SMTN: variants seen among roughly 807,000 people sequenced by gnomAD.
SMTN encodes smoothelin.
SMTN carries 58 observed loss-of-function variants against 102.0 expected under a neutral mutation model. That is an observed-to-expected ratio of 0.57 (90% CI 0.46 to 0.71). The LOEUF is 0.71. Among genes scored for constraint, SMTN ranks in the 30% least tolerant of loss-of-function variants. The pLI, the probability that SMTN is intolerant of heterozygous loss-of-function variation, is 0.00. For missense variants in SMTN, 1,185 were observed against 1,241.7 expected, an observed-to-expected ratio of 0.95 and a Z score of 0.69; for synonymous variants, 478 against 497.9, an observed-to-expected ratio of 0.96 and a Z score of 0.53.
At chr22:31,093,919 G>A in intron 11 of SMTN, 1 of 1,337,128 alleles carries the variant, frequency 7.5e-7, no homozygotes, top group Non-Finnish European at 1.0e-6. Flanking sequence ...TTTGAGCCAG[G>A]CTCTGCCTCC....
chr22:31,091,117 TG>T lies in SMTN; in HGVS notation c.1097del (p.Gly366AlafsTer35). 1 of 1,613,894 alleles carries T rather than the reference TG, an allele frequency of 6.2e-7. No individual in the cohort carries two copies. Among genetic ancestry groups the T allele is most frequent in the African/African-American group, 1.3e-5 (1 of 75,012 alleles). ...ALSPLTPARL[L>X]GPSLTSTTPA... ...AGTCCCCTGACCCCCGCAAGGCTCC[TG>T]GGCCCCTCCCTCACCAGCACCACCC... On this transcript the variant is annotated frameshift_variant, in exon 10 of 21. Coordinates refer to ENST00000333137, the MANE Select transcript of SMTN (RefSeq NM_134269.3). LOFTEE classifies it high-confidence loss of function.
chr22:31,099,491 G>A (rs1026835985), intron 18 of SMTN: 1 of 586,464 alleles, frequency 1.7e-6, no homozygotes, highest in Non-Finnish European at 3.0e-6. Flanking sequence ...AATGAGGGAA[G>A]GAGTGATGAG....
intron 16 of SMTN, 101 bp from the exon 17 acceptor site, chr22:31,098,566 A>T: frequency 9.1e-7 from 1 of 1,102,382 alleles, no homozygotes; most frequent in African/African-American, 2.0e-5. Context: ...CAGTGGAGAT[A>T]CTAGTGTGCT....
rs2059410116 is a variant in SMTN, at chr22:31,089,840, C to T, written c.613C>T (p.Pro205Ser). 2 of 1,613,766 alleles carry T rather than the reference C, an allele frequency of 1.2e-6. No homozygotes were observed. The highest frequency in any genetic ancestry group is 3.3e-5 in the Admixed American group (2 of 60,000). ...GAGCACATCCAGCTCACCTGCCTCA[C>T]CCAGCAGTTCACCCACCCCTGCCTC... is the stretch of plus-strand genomic sequence containing the variant. The part of the protein sequence containing the change: ...PGSTSSSPAS[P>S]SSSPTPASPE... The change falls in exon 7 of 21, where the codon CCC (proline) becomes TCC (serine). Residue 205 changes from proline to serine, a missense_variant. By Grantham distance (74) the Pro-to-Ser change is moderately conservative (BLOSUM62 -1). Around this residue, in one of 2 missense-constraint regions of SMTN, gnomAD observed 1,096 missense variants for 1,112.7 expected, o/e 0.98. Coordinates refer to ENST00000333137, the MANE Select transcript of SMTN (RefSeq NM_134269.3).
At chr22:31,085,122 C>G in intron 2 of SMTN, 1 of 1,535,428 alleles carries the variant, frequency 6.5e-7, no homozygotes, top group Non-Finnish European at 8.7e-7. Context: ...TGCCCCTCCA[C>G]CACCCGCCGG....
chr22:31,082,500 C>T (rs1438844250), intron 1 of SMTN: 1 of 478,718 alleles, frequency 2.1e-6, no homozygotes, highest in Admixed American at 2.3e-5. Context: ...ATCCTTGGCC[C>T]TCTCCAATCT....
chr22:31,092,330 A>G, intron 11 of SMTN: 1 of 420,196 alleles, frequency 2.4e-6, no homozygotes, highest in Non-Finnish European at 5.1e-6. Context: ...ATCTGCGTCA[A>G]CCTCCCTGTG....
intron 6 of SMTN, 38 bp from the exon 7 acceptor site, chr22:31,089,661 C>T (rs1194289835): frequency 1.9e-6 from 3 of 1,561,022 alleles, no homozygotes; most frequent in Non-Finnish European, 2.6e-6. Flanking sequence ...CGTTCAAAGC[C>T]TAGGGAGCCT....
Position 31,095,464 on chromosome 22 carries a change from A to G in SMTN, c.1785+9A>G, listed in dbSNP as rs2043502675. 6.2e-7 allele frequency: 1 copy of G among 1,614,118 alleles called. No individual in the cohort carries two copies. Among genetic ancestry groups the G allele is most frequent in the Non-Finnish European group, 8.5e-7 (1 of 1,180,024 alleles). ...GAGTCTTGGACAAGATGGTATAGCC[A>G]GATCCGGTGGGCTGGGGGTTGGCAG... On this transcript the variant is annotated intron_variant, in intron 12 of 20. Transcript: ENST00000333137. The surrounding 1 kb of genome is among the most constrained non-coding windows in gnomAD (Gnocchi z 4.1).
upstream of SMTN, among the ~76,000 whole-genome samples, chr22:31,076,326 G>A (rs934385633): frequency 2.6e-5 from 4 of 152,316 alleles, no homozygotes; most frequent in Admixed American, 6.5e-5. Flanking sequence ...CTTCAGAACC[G>A]GCAAAGGAGC....
Position 31,091,828 on chromosome 22 carries a change from G to A in SMTN, c.1613G>A (p.Arg538Gln), listed in dbSNP as rs115143483. The part of the protein sequence containing the change: ...TSFSHAPPSS[R>Q]GGCSIKMEAE... Reference sequence around the variant, plus strand: ...TTCAGCCATGCCCCCCCCAGTAGCCGAGGAGGCTGCAGCATCAAGGTGAGC... The same window carrying A: ...TTCAGCCATGCCCCCCCCAGTAGCCAAGGAGGCTGCAGCATCAAGGTGAGC... Residue 538 changes from arginine to glutamine, a missense_variant, in exon 11 of 21, where the codon CGA (arginine) becomes CAA (glutamine). This residue lies in a region of SMTN where 1,096 missense variants were observed against 1,112.7 expected (regional missense o/e 0.98). Coordinates refer to ENST00000333137, the MANE Select transcript of SMTN (RefSeq NM_134269.3). The A allele has an allele frequency of 3.9e-4, 618 of 1,595,108 alleles. 3 individuals carry two copies. In the African/African-American group the frequency reaches 7.1e-3, roughly 18 times the overall value.
Position 31,093,418 on chromosome 22 carries a change from A to G in SMTN, c.1632+1571A>G, listed in dbSNP as rs772198993. On this transcript the variant is annotated intron_variant, in intron 11 of 20. Coordinates refer to ENST00000333137, the MANE Select transcript of SMTN (RefSeq NM_134269.3). Reference sequence around the variant, plus strand: ...CAGCAGCCCCTGCCACTGCCCCACCATTACCCCCCATAGAGTCCCCACCAG... The same window carrying G: ...CAGCAGCCCCTGCCACTGCCCCACCGTTACCCCCCATAGAGTCCCCACCAG... 42 of 460,142 alleles carry G rather than the reference A, an allele frequency of 9.1e-5. No individual in the cohort carries two copies. The Middle Eastern group carries it at 2.6e-3, about 29-fold the overall frequency. 28.5% of individuals were successfully genotyped at this position (460,142 alleles called of 1,614,324 possible). A position where few individuals can be genotyped will look rare whatever the true frequency, so the allele number is the denominator to read the frequency against.
chr22:31,075,617 G>T (rs1239559485), intron 1 of SMTN, among the ~76,000 whole-genome samples: 4 of 151,738 alleles, frequency 2.6e-5, no homozygotes, highest in Non-Finnish European at 5.9e-5. Flanking sequence ...GGAGGCAGGG[G>T]TTGCAGTGAG....
intron 2 of SMTN, 140 bp downstream of exon 2, chr22:31,083,449 C>A: frequency 9.5e-7 from 1 of 1,054,268 alleles, no homozygotes; most frequent in Non-Finnish European, 1.3e-6. Context: ...AGGGGTAGGC[C>A]AGTTCCATGT....
At chr22:31,097,212 C>A in intron 15 of SMTN, 57 bp from the exon 16 acceptor site, 1 of 1,565,592 alleles carries the variant, frequency 6.4e-7, no homozygotes, top group Non-Finnish European at 8.8e-7. Flanking sequence ...GCCTCCCATC[C>A]CATCTCCTGA....
chr22:31,097,913 C>T (rs574931093), intron 16 of SMTN, among the ~76,000 whole-genome samples: 1 of 152,094 alleles, frequency 6.6e-6, no homozygotes, highest in Non-Finnish European at 1.5e-5. Flanking sequence ...CTTAGGGGCT[C>T]ACATCTCTGA....
chr22:31,098,323 G>T (rs1282461379), intron 16 of SMTN, among the ~76,000 whole-genome samples: 1 of 151,922 alleles, frequency 6.6e-6, no homozygotes, highest in Non-Finnish European at 1.5e-5. Context: ...CAACAGAGAT[G>T]AATTATTATT....
intron 20 of SMTN, chr22:31,101,435 A>C: frequency 5.8e-6 from 1 of 173,176 alleles, no homozygotes; most frequent in Non-Finnish European, 1.2e-5. Flanking sequence ...AGCACAGCAC[A>C]TCAGGAAGGG....
chr22:31,099,747 C>G lies in SMTN; in HGVS notation c.2454C>G (p.His818Gln). 1 of 1,613,834 alleles carries G rather than the reference C, an allele frequency of 6.2e-7. No individual in the cohort carries two copies. The highest frequency in any genetic ancestry group is 8.5e-7 in the Non-Finnish European group (1 of 1,179,808). ...ACCAGTCCTCCTACGGCTTATAGCA[C>G]GTCGACATCCAGAACTTCTCCTCCA... ...WCRAKTRGYE[H>Q]VDIQNFSSSW... The change falls in exon 19 of 21, where the codon CAC becomes CAG. Residue 818 changes from histidine to glutamine, a missense_variant and splice_region_variant. Physicochemically the swap from His to Gln is conservative, Grantham distance 24. Transcript: ENST00000333137.
Sources: gnomAD v4.1 joint callset for allele counts (sites outside exome capture counted in the v4.1 genomes callset) on GRCh38, gnomAD v4.1.1 for gene constraint, gnomAD v4.1.1 regional missense constraint, Gnocchi (gnomAD v3.1) non-coding constraint, MANE v1.5 for transcripts, NCBI Gene and HGNC (gene_info 2026-07-23, HGNC 2026-07-21) for gene names.